DLGAP2: variants seen among roughly 807,000 people sequenced by gnomAD.
The protein encoded by DLGAP2 is DLG associated protein 2.
DLGAP2 carries 26 observed loss-of-function variants against 100.3 expected under a neutral mutation model. That is an observed-to-expected ratio of 0.26 (90% CI 0.19 to 0.36). DLGAP2 has a LOEUF of 0.36. Among genes scored for constraint, DLGAP2 ranks in the 10% least tolerant of loss-of-function variants. The probability of loss-of-function intolerance (pLI) is 1.00; values close to 1 mark genes in which losing one functional copy is unlikely to be tolerated. For missense variants in DLGAP2, 1,858 were observed against 1,453.2 expected (o/e 1.28, Z -4.53); for synonymous variants, 886 against 630.1 (o/e 1.41, Z -6.08).
intron 1 of DLGAP2, among the ~76,000 whole-genome samples, chr8:782,636 C>T (rs998182843): frequency 6.6e-6 from 1 of 152,178 alleles, no homozygotes. Flanking sequence ...GACCTGAAGG[C>T]AGAGTTTATG....
intron 2 of DLGAP2, among the ~76,000 whole-genome samples, chr8:1,208,865 AAAATAAATAAAT>A (rs61478484): frequency 0.019 from 2,725 of 144,556 alleles, 74 homozygotes; most frequent in African/African-American, 0.058. Context: ...AATAGCTGCA[AAAATAAATAAAT>A]AAATAAATAA....
At chr8:1,448,252 C>A (rs893900922) in intron 3 of DLGAP2, among the ~76,000 whole-genome samples, 1 of 151,986 alleles carries the variant, frequency 6.6e-6, no homozygotes, top group Non-Finnish European at 1.5e-5. Context: ...CTACACACTG[C>A]TTTGAATGTG....
intron 1 of DLGAP2, among the ~76,000 whole-genome samples, chr8:849,935 G>C (rs1797153377): frequency 6.6e-6 from 1 of 151,962 alleles, no homozygotes; most frequent in Non-Finnish European, 1.5e-5. Context: ...CTGGTGCTGT[G>C]GGCCTGTAAT....
At chr8:1,461,186 A>T (rs1270157729) in intron 3 of DLGAP2, among the ~76,000 whole-genome samples, 6 of 136,486 alleles carry the variant, frequency 4.4e-5, no homozygotes, top group Non-Finnish European at 3.1e-5. Context: ...CTGCTGTCAC[A>T]GGACTGGGTG....
chr8:1,420,182 T>G (rs559510648), intron 3 of DLGAP2, among the ~76,000 whole-genome samples: 1 of 152,296 alleles, frequency 6.6e-6, no homozygotes, highest in African/African-American at 2.4e-5. Context: ...GACTGCCTTA[T>G]CCTGAGGCTC....
chr8:1,215,811 C>T lies in DLGAP2; in HGVS notation c.74-43040C>T, dbSNP rs11782210. ...TCCAGGTACCTATATGGGTTCATTT[C>T]GGTGCATCACCTGGAGACGTCCAGG... On this transcript the variant is annotated intron_variant, in intron 2 of 14. Transcript: ENST00000637795. Among the ~76,000 whole-genome samples the T allele has an allele frequency of 4.0e-5, 4 of 100,482 alleles. 1 individual carries two copies. Among genetic ancestry groups the T allele is most frequent in the South Asian group, 6.7e-4 (2 of 2,964 alleles). 65.9% of individuals were successfully genotyped at this position (100,482 alleles called of 152,430 possible).
chr8:1,579,975 G>T (rs1803159239), intron 6 of DLGAP2, among the ~76,000 whole-genome samples: 1 of 152,156 alleles, frequency 6.6e-6, no homozygotes, highest in Admixed American at 6.5e-5. Context: ...CTCTGCACCT[G>T]ACCTGATGGC....
chr8:1,316,769 C>T (rs117149988), intron 3 of DLGAP2, among the ~76,000 whole-genome samples: 6,545 of 137,574 alleles, frequency 0.048, 440 homozygotes, highest in Middle Eastern at 0.14. Context: ...TGTGCGAGTA[C>T]AGCGTCTCTC....
intron 2 of DLGAP2, chr8:1,137,879 C>T (rs945553034): frequency 6.6e-6 from 1 of 152,368 alleles, no homozygotes; most frequent in African/African-American, 2.4e-5. Context: ...CAATCTCTGC[C>T]TCCGGGGTTC....
intron 2 of DLGAP2, among the ~76,000 whole-genome samples, chr8:1,000,421 C>G (rs933188848): frequency 1.3e-4 from 18 of 142,214 alleles, no homozygotes; most frequent in Non-Finnish European, 1.8e-4. Context: ...CGGATTTTCT[C>G]TAGAGCAGAC....
chr8:1,499,960 G>T (rs1328848239), intron 3 of DLGAP2, among the ~76,000 whole-genome samples: 1 of 112,458 alleles, frequency 8.9e-6, no homozygotes, highest in East Asian at 3.2e-4. Flanking sequence ...CTACAGCCTG[G>T]CTAACTGCAT....
At chr8:1,594,659 A>T (rs2957051) in intron 6 of DLGAP2, among the ~76,000 whole-genome samples, 1 of 151,952 alleles carries the variant, frequency 6.6e-6, no homozygotes, top group Non-Finnish European at 1.5e-5. Context: ...CCTGACCTCA[A>T]GTGATCTGCC....
chr8:866,544 A>G (rs1284026429), intron 1 of DLGAP2, among the ~76,000 whole-genome samples: 1 of 151,852 alleles, frequency 6.6e-6, no homozygotes, highest in Non-Finnish European at 1.5e-5. Context: ...CTGTCAGTTG[A>G]TTCTGAAAAG....
chr8:1,686,257 G>A (rs1264617718), intron 12 of DLGAP2, among the ~76,000 whole-genome samples: 1 of 152,172 alleles, frequency 6.6e-6, no homozygotes, highest in Non-Finnish European at 1.5e-5. Flanking sequence ...ATATTATTCA[G>A]CCATAAAAAA....
chr8:1,188,574 C>T (rs114093891), intron 2 of DLGAP2, among the ~76,000 whole-genome samples: 4 of 151,876 alleles, frequency 2.6e-5, no homozygotes, highest in Non-Finnish European at 4.4e-5. Flanking sequence ...TGATGTTTCC[C>T]TCACGGAATC....
intron 3 of DLGAP2, among the ~76,000 whole-genome samples, chr8:1,431,449 ACT>A (rs1375624768): frequency 3.3e-5 from 5 of 152,040 alleles, no homozygotes; most frequent in African/African-American, 7.2e-5. Flanking sequence ...GACCAGGTAG[ACT>A]CTACCCGTGG....
chr8:925,266 C>G (rs1798789117), intron 2 of DLGAP2, among the ~76,000 whole-genome samples: 1 of 152,114 alleles, frequency 6.6e-6, no homozygotes, highest in Non-Finnish European at 1.5e-5. Flanking sequence ...CCACCTTGCT[C>G]AGCTAATTTT....
intron 2 of DLGAP2, among the ~76,000 whole-genome samples, chr8:1,187,759 G>A (rs1343565339): frequency 2.8e-5 from 4 of 141,168 alleles, no homozygotes; most frequent in African/African-American, 1.1e-4. Flanking sequence ...TTTCCCTCAC[G>A]GAATCTCACA....
At chr8:894,523 GA>G (rs1798100927) in intron 1 of DLGAP2, among the ~76,000 whole-genome samples, 1 of 150,884 alleles carries the variant, frequency 6.6e-6, no homozygotes, top group South Asian at 2.1e-4. Flanking sequence ...GCCAGGTGCA[GA>G]AAGACAAGCA....
Sources: allele counts gnomAD v4.1 joint callset (sites outside exome capture counted in the v4.1 genomes callset), GRCh38; gene constraint gnomAD v4.1.1; transcripts MANE v1.5; gene names NCBI Gene and HGNC (gene_info 2026-07-23, HGNC 2026-07-21).